Variants in GSE1 observed in about 807,000 individuals in gnomAD.
GSE1 encodes the protein genetic suppressor element 1.
GSE1 carries 32 observed loss-of-function variants against 112.6 expected under a neutral mutation model. The observed-to-expected ratio is 0.28, with a 90% CI of 0.21 to 0.38. GSE1 has a LOEUF of 0.38. Among genes scored for constraint, GSE1 ranks in the 10% least tolerant of loss-of-function variants. The probability of loss-of-function intolerance (pLI) is 1.00; values close to 1 mark genes in which losing one functional copy is unlikely to be tolerated. For missense variants in GSE1, 2,348 were observed against 1,699.2 expected (o/e 1.38, Z -6.71); for synonymous variants, 1,115 against 735.6 (o/e 1.52, Z -8.35).
intron 1 of GSE1, among the ~76,000 whole-genome samples, chr16:85,584,182 C>CATT (rs2046580768): frequency 6.6e-6 from 1 of 151,690 alleles, no homozygotes; most frequent in Non-Finnish European, 1.5e-5. Flanking sequence ...TGTTTGGAGA[C>CATT]CTTCCTCCCC....
chr16:85,649,524 G>A (rs913132956), intron 3 of GSE1, among the ~76,000 whole-genome samples: 3 of 152,156 alleles, frequency 2.0e-5, no homozygotes, highest in Non-Finnish European at 2.9e-5. Context: ...TGGGCCCCTC[G>A]CTCTGCACTG....
At chr16:85,213,673 C>A (rs954411766) in intron 1 of GSE1, among the ~76,000 whole-genome samples, 1 of 152,210 alleles carries the variant, frequency 6.6e-6, no homozygotes, top group Non-Finnish European at 1.5e-5. Flanking sequence ...AGGAAGACAC[C>A]CCCAGCCCAG....
chr16:85,497,786 G>A (rs930302024), intron 2 of GSE1, among the ~76,000 whole-genome samples: 1 of 152,160 alleles, frequency 6.6e-6, no homozygotes, highest in African/African-American at 2.4e-5. Flanking sequence ...CCGGGGTGGG[G>A]CAGACTGCTT....
intron 1 of GSE1, among the ~76,000 whole-genome samples, chr16:85,230,380 G>T (rs1315405156): frequency 2.0e-5 from 3 of 152,132 alleles, no homozygotes; most frequent in Admixed American, 2.0e-4. Context: ...AAGGGTTTGT[G>T]TTACCCACGC....
In GSE1 at chr16:85,509,093, T is replaced by C. The variant is rs144212204; in HGVS notation, c.2465-124821T>C. Among the ~76,000 whole-genome samples the C allele has an allele frequency of 6.8e-3, 1,032 of 152,154 alleles. 18 individuals carry two copies. The highest frequency in any genetic ancestry group is 0.024 in the African/African-American group (984 of 41,488). Reference sequence around the variant, plus strand: ...GGTGGCCTCTGTAGAGAAGAAACGCTCACCTGGTGAGGGGCGAGACACGGA... The same window carrying C: ...GGTGGCCTCTGTAGAGAAGAAACGCCCACCTGGTGAGGGGCGAGACACGGA... On this transcript the variant is annotated intron_variant, in intron 2 of 2. Coordinates refer to the GSE1 transcript ENST00000637419.
intron 2 of GSE1, among the ~76,000 whole-genome samples, chr16:85,488,815 C>CCG (rs1045743669): frequency 1.4e-4 from 22 of 152,066 alleles, no homozygotes; most frequent in Non-Finnish European, 2.9e-4. Flanking sequence ...GTCTGGGGAC[C>CCG]GGGGGGATCA....
chr16:85,642,501 C>T (rs1334121821), intron 2 of GSE1, among the ~76,000 whole-genome samples: 2 of 152,204 alleles, frequency 1.3e-5, no homozygotes, highest in Non-Finnish European at 2.9e-5. Flanking sequence ...GGGGCTGAGA[C>T]AGGGGTCTGT....
At chr16:85,422,422 CG>C (rs1567473861) in intron 2 of GSE1, among the ~76,000 whole-genome samples, 2 of 152,046 alleles carry the variant, frequency 1.3e-5, no homozygotes, top group African/African-American at 4.8e-5. Context: ...GTTCCTCCCC[CG>C]GAGGCCTGGT....
At chr16:85,578,733 A>G (rs530756066) in intron 1 of GSE1, among the ~76,000 whole-genome samples, 1 of 151,538 alleles carries the variant, frequency 6.6e-6, no homozygotes, top group African/African-American at 2.4e-5. Flanking sequence ...ACTACCCCTC[A>G]CCACACATGG....
intron 2 of GSE1, among the ~76,000 whole-genome samples, chr16:85,520,817 T>C (rs2052158031): frequency 6.6e-6 from 1 of 152,202 alleles, no homozygotes; most frequent in Non-Finnish European, 1.5e-5. Flanking sequence ...GAGAAAAAGA[T>C]TTTGTGGATC....
chr16:85,268,010 A>G (rs1273914802), intron 1 of GSE1, among the ~76,000 whole-genome samples: 1 of 152,174 alleles, frequency 6.6e-6, no homozygotes, highest in Non-Finnish European at 1.5e-5. Context: ...ATACTTGTCA[A>G]GAGCTCAAGT....
intron 1 of GSE1, among the ~76,000 whole-genome samples, chr16:85,203,512 C>T (rs1329929567): frequency 6.6e-6 from 1 of 152,196 alleles, no homozygotes; most frequent in African/African-American, 2.4e-5. Flanking sequence ...CGTGGGAAGC[C>T]AGCAGGCCCT....
chr16:85,337,596 C>T (rs977989075), intron 1 of GSE1, among the ~76,000 whole-genome samples: 6 of 152,306 alleles, frequency 3.9e-5, no homozygotes, highest in African/African-American at 9.6e-5. Context: ...TGAGCCACCG[C>T]GCCCGGCCAG....
At chr16:85,184,213 C>T (rs1032456521) in intron 1 of GSE1, among the ~76,000 whole-genome samples, 1 of 152,206 alleles carries the variant, frequency 6.6e-6, no homozygotes, top group African/African-American at 2.4e-5. Context: ...ATTTGTGACT[C>T]AGGCCTGTCT....
Position 85,408,140 on chromosome 16 carries a change from C to G in GSE1, c.2464+50497C>G, listed in dbSNP as rs566045291. Among the ~76,000 whole-genome samples the G allele has an allele frequency of 4.4e-5, 2 of 44,988 alleles. 1 individual carries two copies. The highest frequency in any genetic ancestry group is 9.0e-5 in the Non-Finnish European group (2 of 22,282). The allele number at this position is 44,988 out of a possible 152,430, so 29.5% of individuals were successfully genotyped here. On this transcript the variant is annotated intron_variant, in intron 2 of 2. Coordinates refer to the GSE1 transcript ENST00000637419. ...GTTACTCTCAGGCCCCCTGGATAATCCTCACTGTTACACTCAGGGCCCCCC... is the reference window on the plus strand; with the variant it reads ...GTTACTCTCAGGCCCCCTGGATAATGCTCACTGTTACACTCAGGGCCCCCC...
intron 1 of GSE1, among the ~76,000 whole-genome samples, chr16:85,582,588 G>A (rs2046496130): frequency 6.6e-6 from 1 of 152,146 alleles, no homozygotes; most frequent in African/African-American, 2.4e-5. Context: ...GTGGTCCTCA[G>A]TCAGCACTGG....
chr16:85,255,187 C>G (rs931783006), intron 1 of GSE1, among the ~76,000 whole-genome samples: 13 of 152,316 alleles, frequency 8.5e-5, no homozygotes, highest in Non-Finnish European at 1.2e-4. Flanking sequence ...GCTGTCCACA[C>G]CACCCCACCC....
intron 2 of GSE1, among the ~76,000 whole-genome samples, chr16:85,514,238 C>G (rs750927910): frequency 6.6e-6 from 1 of 150,620 alleles, no homozygotes; most frequent in African/African-American, 2.4e-5. Flanking sequence ...CGGTTTCTCT[C>G]TTCCCCTCTC....
chr16:85,555,674 C>CG, upstream of GSE1: 1 of 894,108 alleles, frequency 1.1e-6, no homozygotes, highest in Non-Finnish European at 1.3e-6. Flanking sequence ...CCCCTCCCGC[C>CG]GCCCCCCCCT....
Sources: gnomAD v4.1 joint callset for allele counts (sites outside exome capture counted in the v4.1 genomes callset) on GRCh38, gnomAD v4.1.1 for gene constraint, MANE v1.5 for transcripts, NCBI Gene and HGNC (gene_info 2026-07-23, HGNC 2026-07-21) for gene names.